SGCZ: variants seen among roughly 807,000 people sequenced by gnomAD.
SGCZ encodes the protein zeta-sarcoglycan.
In SGCZ, 40 loss-of-function variants were observed where a neutral mutation model predicts 41.3. The observed-to-expected ratio is 0.97, with a 90% CI of 0.75 to 1.26. The LOEUF is 1.26. Among genes scored for constraint, SGCZ ranks in the 50% most tolerant of loss-of-function variants. The pLI is 0.00. For synonymous variants in SGCZ, 206 were observed against 137.5 expected (o/e 1.50, Z -3.49); for missense variants, 552 against 369.8 (o/e 1.49, Z -4.04).
intron 1 of SGCZ, among the ~76,000 whole-genome samples, chr8:14,909,269 T>TATCG (rs1384065829): frequency 6.6e-6 from 1 of 152,212 alleles, no homozygotes; most frequent in Non-Finnish European, 1.5e-5. Context: ...ATTGTGAAGC[T>TATCG]ATCGAAAAAT....
At chr8:14,101,063 ATAAC>A (rs1406216960) in intron 7 of SGCZ, among the ~76,000 whole-genome samples, 8 of 152,202 alleles carry the variant, frequency 5.3e-5, no homozygotes, top group Middle Eastern at 3.2e-3. Flanking sequence ...AGCATTTAAA[ATAAC>A]TAAGGTAGAA....
chr8:14,965,008 C>T (rs1007770624), intron 1 of SGCZ, among the ~76,000 whole-genome samples: 2 of 152,048 alleles, frequency 1.3e-5, no homozygotes, highest in African/African-American at 4.8e-5. Flanking sequence ...TCTAATCCAC[C>T]CAGGAGGAGA....
chr8:14,491,594 G>A (rs969435460), intron 2 of SGCZ, among the ~76,000 whole-genome samples: 1 of 152,134 alleles, frequency 6.6e-6, no homozygotes, highest in African/African-American at 2.4e-5. Context: ...AAGGAAAGCT[G>A]ATATCAATAT....
chr8:14,572,156 A>G (rs776026220), intron 1 of SGCZ, among the ~76,000 whole-genome samples: 40 of 152,200 alleles, frequency 2.6e-4, no homozygotes, highest in Non-Finnish European at 4.3e-4. Flanking sequence ...GCTAATATCT[A>G]CAGCATTTTG....
intron 2 of SGCZ, among the ~76,000 whole-genome samples, chr8:14,390,678 C>T (rs1369651134): frequency 6.6e-6 from 1 of 151,792 alleles, no homozygotes; most frequent in Non-Finnish European, 1.5e-5. Flanking sequence ...ACACAAAGTG[C>T]ACCTTTTGAA....
At position 14,615,483 on chromosome 8, in the gene SGCZ, A is replaced by G. The variant is rs920222336; in HGVS notation, c.40-60557T>C. On this transcript the variant is annotated intron_variant, in intron 1 of 7. Transcript: ENST00000382080. ...GATTCATAAATAGTTCTTTGCTCAA[A>G]TAAACTGTGCTAAATTTAATTTGTC... Among the ~76,000 whole-genome samples the G allele has an allele frequency of 1.8e-4, 28 of 152,210 alleles. 1 individual carries two copies. The highest frequency in any genetic ancestry group is 8.8e-5 in the Non-Finnish European group (6 of 68,042).
chr8:14,997,747 G>A (rs1319795190), intron 1 of SGCZ, among the ~76,000 whole-genome samples: 1 of 152,184 alleles, frequency 6.6e-6, no homozygotes, highest in Non-Finnish European at 1.5e-5. Context: ...ACCACTTGAG[G>A]TCAGGAGTGA....
At chr8:14,475,394 A>G (rs1181096558) in intron 2 of SGCZ, among the ~76,000 whole-genome samples, 1 of 152,186 alleles carries the variant, frequency 6.6e-6, no homozygotes, top group Non-Finnish European at 1.5e-5. Flanking sequence ...GTAGCAGCAA[A>G]CATTATTAAC....
intron 2 of SGCZ, among the ~76,000 whole-genome samples, chr8:14,476,009 G>A (rs572481004): frequency 1.3e-5 from 2 of 151,170 alleles, no homozygotes; most frequent in South Asian, 4.2e-4. Flanking sequence ...GTCTCACTAT[G>A]TTGCCCTGGT....
chr8:14,121,724 T>G (rs1035200251), intron 5 of SGCZ, among the ~76,000 whole-genome samples: 1 of 152,132 alleles, frequency 6.6e-6, no homozygotes, highest in Non-Finnish European at 1.5e-5. Context: ...AGAGGACATA[T>G]AATATAACCA....
chr8:15,237,523 G>C, intron 1 of SGCZ, 62 bp downstream of exon 1: 2 of 1,548,114 alleles, frequency 1.3e-6, no homozygotes. Flanking sequence ...GCCGCGGGAA[G>C]GAGAGGGGAG....
At chr8:14,115,277 T>A (rs1030850725) in intron 5 of SGCZ, among the ~76,000 whole-genome samples, 2 of 151,996 alleles carry the variant, frequency 1.3e-5, no homozygotes, top group Non-Finnish European at 2.9e-5. Flanking sequence ...AATGCCCCTT[T>A]AGCAAACATA....
chr8:15,198,851 G>C (rs1800812932), intron 1 of SGCZ, among the ~76,000 whole-genome samples: 1 of 152,094 alleles, frequency 6.6e-6, no homozygotes, highest in African/African-American at 2.4e-5. Context: ...TTACCTTCCT[G>C]CGCTTTCTTG....
Position 15,086,809 on chromosome 8 carries a change from T to A in SGCZ, c.39+150776A>T, listed in dbSNP as rs73525006. Among the ~76,000 whole-genome samples, 949 of 152,290 alleles carry A rather than the reference T, an allele frequency of 6.2e-3. 10 individuals are homozygous for A. Among genetic ancestry groups the A allele is most frequent in the African/African-American group, 0.021 (880 of 41,564 alleles). On this transcript the variant is annotated intron_variant, in intron 1 of 7. Transcript: ENST00000382080. ...AAATTATTTTTTTCTCTCTGCATTG[T>A]CTTTCTGGAGTAATCTTGATCCATT...
intron 1 of SGCZ, among the ~76,000 whole-genome samples, chr8:14,843,507 C>A (rs1802996729): frequency 6.6e-6 from 1 of 151,958 alleles, no homozygotes; most frequent in East Asian, 1.9e-4. Flanking sequence ...ATTGTCTATC[C>A]ATTTATCTGT....
intron 4 of SGCZ, among the ~76,000 whole-genome samples, chr8:14,203,398 T>C (rs890232973): frequency 6.6e-6 from 1 of 152,204 alleles, no homozygotes; most frequent in African/African-American, 2.4e-5. Flanking sequence ...TTGGCTAACA[T>C]AGAATGTTTT....
rs573952331 is a variant in SGCZ at position 14,515,415 on chromosome 8, A to G, written c.234+39317T>C. Among the ~76,000 whole-genome samples, 5 of 152,262 alleles carry G rather than the reference A, an allele frequency of 3.3e-5. No individual in the cohort carries two copies. The East Asian group carries it at 9.7e-4, about 29-fold the overall frequency. On this transcript the variant is annotated intron_variant, in intron 2 of 7. Coordinates refer to ENST00000382080, the MANE Select transcript of SGCZ (RefSeq NM_139167.4). Reference sequence around the variant, plus strand: ...GGGATATCAAGTGCTTCATATATCCAGAATAAGACAACATACGCATCAATA... The same window carrying G: ...GGGATATCAAGTGCTTCATATATCCGGAATAAGACAACATACGCATCAATA...
At chr8:14,204,753 C>T (rs1055537846) in intron 4 of SGCZ, among the ~76,000 whole-genome samples, 1 of 152,138 alleles carries the variant, frequency 6.6e-6, no homozygotes, top group African/African-American at 2.4e-5. Context: ...CACTTATTTT[C>T]CTACCCTTGG....
At chr8:15,097,918 A>G (rs9918800) in intron 1 of SGCZ, among the ~76,000 whole-genome samples, 94,523 of 129,108 alleles carry the variant, frequency 0.73, 36,110 homozygotes, top group Non-Finnish European at 0.81. Flanking sequence ...ATACGTGTGT[A>G]TATATATATA....
Sources: allele counts gnomAD v4.1 joint callset (sites outside exome capture counted in the v4.1 genomes callset), GRCh38; gene constraint gnomAD v4.1.1; transcripts MANE v1.5; gene names NCBI Gene and HGNC (gene_info 2026-07-23, HGNC 2026-07-21).